Variants in PIP4K2A observed in about 807,000 individuals in gnomAD.
PIP4K2A encodes phosphatidylinositol-5-phosphate 4-kinase type 2 alpha, also known as phosphatidylinositol 5-phosphate 4-kinase type-2 alpha.
A neutral mutation model predicts 42.9 loss-of-function variants in PIP4K2A; 14 were observed. The ratio of observed to expected loss-of-function variants is 0.33; its 90% CI spans 0.22 to 0.51. The LOEUF is 0.51. Among genes scored for constraint, PIP4K2A ranks in the 20% least tolerant of loss-of-function variants. The pLI is 0.97. For synonymous variants in PIP4K2A, 192 were observed against 192.2 expected, an observed-to-expected ratio of 1.00 and a Z score of 0.01; for missense variants, 434 against 519.8, an observed-to-expected ratio of 0.83 and a Z score of 1.61.
chr10:22,654,651 G>A (rs1477999679), intron 1 of PIP4K2A, among the ~76,000 whole-genome samples: 1 of 152,068 alleles, frequency 6.6e-6, no homozygotes, highest in Non-Finnish European at 1.5e-5. Context: ...CCCAAGAAAG[G>A]GTCTGGTCCA....
chr10:22,671,217 T>G (rs1007191105), intron 1 of PIP4K2A, among the ~76,000 whole-genome samples: 3 of 152,336 alleles, frequency 2.0e-5, no homozygotes, highest in African/African-American at 7.2e-5. Flanking sequence ...TAGAAATAGC[T>G]AATTCAACAT....
intron 6 of PIP4K2A, among the ~76,000 whole-genome samples, chr10:22,557,602 T>C (rs1005248543): frequency 2.0e-5 from 3 of 152,252 alleles, no homozygotes; most frequent in African/African-American, 7.2e-5. Context: ...CCAGAAGTTA[T>C]ATGAACATTT....
chr10:22,698,173 T>C (rs1245600443), intron 1 of PIP4K2A, among the ~76,000 whole-genome samples: 2 of 152,178 alleles, frequency 1.3e-5, no homozygotes, highest in African/African-American at 2.4e-5. Context: ...TCAGACCTGA[T>C]ACTCCCACAC....
intron 1 of PIP4K2A, among the ~76,000 whole-genome samples, chr10:22,684,077 C>A (rs1041141205): frequency 3.3e-5 from 5 of 152,056 alleles, no homozygotes; most frequent in Non-Finnish European, 7.4e-5. Context: ...CTTTTTCCCC[C>A]CCTTAAATGC....
At chr10:22,557,778 T>G (rs536797662) in intron 6 of PIP4K2A, among the ~76,000 whole-genome samples, 11 of 152,300 alleles carry the variant, frequency 7.2e-5, no homozygotes, top group African/African-American at 2.6e-4. Flanking sequence ...GCCAACAGTA[T>G]GGGTAAATGG....
chr10:22,709,725 A>G (rs1349315452), intron 1 of PIP4K2A, among the ~76,000 whole-genome samples: 1 of 152,246 alleles, frequency 6.6e-6, no homozygotes, highest in African/African-American at 2.4e-5. Flanking sequence ...ACTCTAAAGT[A>G]TCTGACAAAT....
rs190806765 is a variant in PIP4K2A, at chr10:22,698,665, A to G, written c.144+15518T>C. On this transcript the variant is annotated intron_variant, in intron 1 of 9. Transcript: ENST00000376573. ...CAATTACTTTTGCACCAACCTAATTATTAAGCAGTGATCAAAAATTTAAAA... is the reference window on the plus strand; with the variant it reads ...CAATTACTTTTGCACCAACCTAATTGTTAAGCAGTGATCAAAAATTTAAAA... 3.3e-5 allele frequency among the ~76,000 whole-genome samples: 5 copies of G among 152,380 alleles called. No individual in the cohort carries two copies. In the East Asian group the frequency reaches 9.6e-4, roughly 29 times the overall value.
At chr10:22,663,753 T>G (rs956323764) in intron 1 of PIP4K2A, among the ~76,000 whole-genome samples, 1 of 151,858 alleles carries the variant, frequency 6.6e-6, no homozygotes, top group Non-Finnish European at 1.5e-5. Flanking sequence ...GCAAATTAAT[T>G]CTACATTAAT....
chr10:22,600,454 T>C (rs528649409), intron 3 of PIP4K2A, among the ~76,000 whole-genome samples: 3 of 152,152 alleles, frequency 2.0e-5, no homozygotes, highest in African/African-American at 7.2e-5. Flanking sequence ...TCTCCTCATG[T>C]TATGGATGAG....
At chr10:22,613,293 G>T (rs1838097376) in intron 1 of PIP4K2A, among the ~76,000 whole-genome samples, 1 of 152,158 alleles carries the variant, frequency 6.6e-6, no homozygotes. Context: ...TTTCTAAGGA[G>T]CCTGGCAGGG....
Position 22,539,976 on chromosome 10 carries a change from G to GT in PIP4K2A, c.1134dup (p.His379ThrfsTer76). On this transcript the variant is annotated frameshift_variant, in exon 9 of 10. Transcript: ENST00000376573. LOFTEE classifies it high-confidence loss of function. ...AACAAAATGGAGATACTCACGCCATGTTTAACAGTTTTTGCAGCATGGGCA... is the reference window on the plus strand; with the variant it reads ...AACAAAATGGAGATACTCACGCCATGTTTTAACAGTTTTTGCAGCATGGGCA... 1 of 1,579,024 alleles carries GT rather than the reference G, an allele frequency of 6.3e-7. No homozygotes were observed. The highest frequency in any genetic ancestry group is 1.1e-5 in the South Asian group (1 of 90,386).
chr10:22,607,131 T>G (rs1837922704), intron 3 of PIP4K2A, among the ~76,000 whole-genome samples: 1 of 152,258 alleles, frequency 6.6e-6, no homozygotes, highest in Admixed American at 6.5e-5. Flanking sequence ...ATACTCAACC[T>G]GTCCCTTGGA....
At chr10:22,689,858 G>A (rs539961179) in intron 1 of PIP4K2A, among the ~76,000 whole-genome samples, 1 of 152,262 alleles carries the variant, frequency 6.6e-6, no homozygotes, top group East Asian at 1.9e-4. Flanking sequence ...TTTACCAACT[G>A]CTCAAGTTTT....
chr10:22,564,016 G>A (rs1033350160), intron 6 of PIP4K2A, among the ~76,000 whole-genome samples: 1 of 152,076 alleles, frequency 6.6e-6, no homozygotes, highest in Non-Finnish European at 1.5e-5. Flanking sequence ...ATGAGTTCTC[G>A]GTCAAACAAA....
chr10:22,650,436 G>A (rs532714279), intron 1 of PIP4K2A, among the ~76,000 whole-genome samples: 25 of 152,178 alleles, frequency 1.6e-4, no homozygotes, highest in Admixed American at 1.6e-3. Context: ...TTGTAGAGAT[G>A]GGGTTTTGCC....
intron 1 of PIP4K2A, among the ~76,000 whole-genome samples, chr10:22,660,246 G>T (rs781066819): frequency 2.6e-5 from 4 of 152,126 alleles, no homozygotes; most frequent in Non-Finnish European, 5.9e-5. Flanking sequence ...CAAGGCGGGC[G>T]GATTGCCTGA....
intron 1 of PIP4K2A, among the ~76,000 whole-genome samples, chr10:22,612,021 A>C (rs1158116057): frequency 6.6e-6 from 1 of 152,240 alleles, no homozygotes; most frequent in Non-Finnish European, 1.5e-5. Context: ...ACAGGAAACC[A>C]GAAACTTTCT....
chr10:22,695,296 G>T (rs1839947062), intron 1 of PIP4K2A, among the ~76,000 whole-genome samples: 1 of 152,070 alleles, frequency 6.6e-6, no homozygotes, highest in Non-Finnish European at 1.5e-5. Flanking sequence ...AGTACACACA[G>T]GAAAACTTAT....
intron 1 of PIP4K2A, among the ~76,000 whole-genome samples, chr10:22,674,940 G>A (rs1839527381): frequency 6.6e-6 from 1 of 151,590 alleles, no homozygotes; most frequent in African/African-American, 2.4e-5. Context: ...TCCAGCTTGG[G>A]CAACAAAACA....
Sources: allele counts gnomAD v4.1 joint callset (sites outside exome capture counted in the v4.1 genomes callset), GRCh38; gene constraint gnomAD v4.1.1; transcripts MANE v1.5; gene names NCBI Gene and HGNC (gene_info 2026-07-23, HGNC 2026-07-21).